The following GRK4 variants were observed in gnomAD, a reference collection of about 807,000 sequenced individuals.
GRK4 encodes the protein G protein-coupled receptor kinase 4.
In GRK4, 73 loss-of-function variants were observed where a neutral mutation model predicts 77.9. That is an observed-to-expected ratio of 0.94 (90% CI 0.78 to 1.14). The LOEUF is 1.14. GRK4 is among the 50% of genes most tolerant of loss of function. The pLI is 0.00. For missense variants in GRK4, 729 were observed against 700.2 expected (o/e 1.04, Z -0.46); for synonymous variants, 257 against 254.4 (o/e 1.01, Z -0.10).
intron 1 of GRK4, chr4:2,969,199 C>A (rs1410840027): frequency 6.6e-6 from 1 of 152,192 alleles, no homozygotes; most frequent in Non-Finnish European, 1.5e-5. Flanking sequence ...GCAGAGAATC[C>A]TCAAAGTTGC....
At chr4:3,011,957 G>A (rs539168068) in intron 7 of GRK4, among the ~76,000 whole-genome samples, 8 of 152,286 alleles carry the variant, frequency 5.3e-5, no homozygotes, top group African/African-American at 1.9e-4. Context: ...CCGAGGTCAG[G>A]GTCCTGTCGT....
chr4:3,007,680 T>A (rs1027392251), intron 5 of GRK4, 56 bp from the exon 6 acceptor site: 1 of 1,117,598 alleles, frequency 8.9e-7, no homozygotes, highest in Non-Finnish European at 1.3e-6. Context: ...TAAAACACAC[T>A]TGTTTTTATT....
chr4:2,976,205 T>C (rs1486988266), intron 1 of GRK4, among the ~76,000 whole-genome samples: 2 of 152,038 alleles, frequency 1.3e-5, no homozygotes, highest in Non-Finnish European at 1.5e-5. Context: ...TCTCTCTCTT[T>C]CCCTCCCTCC....
chr4:3,024,548 C>T (rs776956393), intron 10 of GRK4, among the ~76,000 whole-genome samples: 6 of 152,170 alleles, frequency 3.9e-5, no homozygotes, highest in Non-Finnish European at 8.8e-5. Context: ...AGGCATGAGC[C>T]ACCATATCTG....
intron 8 of GRK4, among the ~76,000 whole-genome samples, chr4:3,016,545 A>AATACAAAAAAACAAAAC (rs1734573659): frequency 4.3e-5 from 6 of 139,216 alleles, no homozygotes; most frequent in Non-Finnish European, 6.2e-5. Context: ...AAAAAAAAAA[A>AATACAAAAAAACAAAAC]AAAAAATTAG....
intron 1 of GRK4, among the ~76,000 whole-genome samples, chr4:2,967,694 C>G (rs548846988): frequency 6.6e-6 from 1 of 152,080 alleles, no homozygotes; most frequent in Non-Finnish European, 1.5e-5. Flanking sequence ...CCACTGCACC[C>G]GGCCCGTATT....
intron 8 of GRK4, among the ~76,000 whole-genome samples, chr4:3,018,049 T>C (rs972729728): frequency 1.3e-5 from 2 of 150,298 alleles, no homozygotes; most frequent in African/African-American, 4.9e-5. Flanking sequence ...AAAGCCCTCA[T>C]CATTTTCTTT....
At chr4:2,992,519 A>C (rs954949003) in intron 4 of GRK4, among the ~76,000 whole-genome samples, 2 of 152,030 alleles carry the variant, frequency 1.3e-5, no homozygotes, top group Non-Finnish European at 2.9e-5. Flanking sequence ...CTCTACAAAA[A>C]AATAAACAAA....
chr4:3,016,481 G>T (rs1040523271), intron 8 of GRK4, among the ~76,000 whole-genome samples: 2 of 137,598 alleles, frequency 1.5e-5, no homozygotes, highest in African/African-American at 5.9e-5. Flanking sequence ...TTGCGCCATT[G>T]TACTCCAGCC....
At chr4:3,015,154 A>G (rs1012926073) in intron 8 of GRK4, among the ~76,000 whole-genome samples, 2 of 152,194 alleles carry the variant, frequency 1.3e-5, no homozygotes, top group Non-Finnish European at 1.5e-5. Flanking sequence ...TGTGCATTGT[A>G]TAGTGTGGTT....
rs982020306 is a variant in GRK4 at position 2,963,778 on chromosome 4, A to G, written c.-293A>G. 4 of 496,320 alleles carry G rather than the reference A, an allele frequency of 8.1e-6. No individual in the cohort carries two copies. In the South Asian group the frequency reaches 1.0e-4, roughly 13 times the overall value. 30.7% of individuals were successfully genotyped at this position (496,320 alleles called of 1,614,324 possible). A position where few individuals can be genotyped will look rare whatever the true frequency, so the allele number is the denominator to read the frequency against. Reference sequence around the variant, plus strand: ...GCGCGAGGCGAGGGCGATGGGGCCAAGAAGAACCGGGGCGATAGCGCGGCA... The same window carrying G: ...GCGCGAGGCGAGGGCGATGGGGCCAGGAAGAACCGGGGCGATAGCGCGGCA... On this transcript the variant is annotated 5_prime_UTR_variant, in exon 1 of 16. Transcript: ENST00000398052.
At chr4:3,025,863 A>T (rs1737377324) in intron 10 of GRK4, among the ~76,000 whole-genome samples, 1 of 152,190 alleles carries the variant, frequency 6.6e-6, no homozygotes. Context: ...ATGTATAGAT[A>T]TATTTGTTCC....
intron 1 of GRK4, among the ~76,000 whole-genome samples, chr4:2,964,704 A>G (rs1716942923): frequency 6.6e-6 from 1 of 152,352 alleles, no homozygotes; most frequent in South Asian, 2.1e-4. Flanking sequence ...GCCTTTTATC[A>G]TTATTAAAGT....
chr4:3,000,525 A>G (rs1222588577), intron 4 of GRK4, among the ~76,000 whole-genome samples: 2 of 151,784 alleles, frequency 1.3e-5, no homozygotes, highest in East Asian at 1.9e-4. Context: ...GAGTGAATGA[A>G]CAAACTTCTT....
At chr4:3,037,610 T>C in intron 14 of GRK4, 99 bp downstream of exon 14, 2 of 1,367,186 alleles carry the variant, frequency 1.5e-6, no homozygotes, top group Non-Finnish European at 2.0e-6. Flanking sequence ...TCTGTGTGTA[T>C]TTGGGAGATA....
At chr4:3,026,749 G>T (rs757934281) in intron 10 of GRK4, among the ~76,000 whole-genome samples, 3 of 152,244 alleles carry the variant, frequency 2.0e-5, no homozygotes, top group Non-Finnish European at 4.4e-5. Context: ...CAAGGGCGGG[G>T]TGTGGTGTAT....
chr4:2,976,032 A>G, intron 1 of GRK4, among the ~76,000 whole-genome samples: 1 of 152,082 alleles, frequency 6.6e-6, no homozygotes, highest in Non-Finnish European at 1.5e-5. Context: ...CTCTGCTTCA[A>G]CCTTTGCAAG....
At chr4:3,012,411 G>A (rs531911058) in intron 7 of GRK4, among the ~76,000 whole-genome samples, 56 of 152,230 alleles carry the variant, frequency 3.7e-4, no homozygotes, top group Non-Finnish European at 7.4e-4. Flanking sequence ...TAAGAAGGTG[G>A]GCCCAAAATC....
At chr4:2,981,752 C>G (rs1578027061) in intron 1 of GRK4, among the ~76,000 whole-genome samples, 1 of 152,354 alleles carries the variant, frequency 6.6e-6, no homozygotes, top group East Asian at 1.9e-4. Flanking sequence ...CTATCCCTGG[C>G]TTGAAGGTGA....
Sources: allele counts gnomAD v4.1 joint callset (sites outside exome capture counted in the v4.1 genomes callset), GRCh38; gene constraint gnomAD v4.1.1; transcripts MANE v1.5; gene names NCBI Gene and HGNC (gene_info 2026-07-23, HGNC 2026-07-21).